CWC27: variants seen among roughly 807,000 people sequenced by gnomAD.
CWC27 encodes CWC27 spliceosome associated cyclophilin, also known as spliceosome-associated protein CWC27 homolog.
A neutral mutation model predicts 63.6 loss-of-function variants in CWC27; 47 were observed. The ratio of observed to expected loss-of-function variants is 0.74; its 90% CI spans 0.58 to 0.94. CWC27 has a LOEUF of 0.94. Ranked by LOEUF, CWC27 falls within the 40% of genes least tolerant of loss-of-function variation. CWC27 has a pLI of 0.00. For synonymous variants in CWC27, 175 were observed against 179.8 expected (o/e 0.97, Z 0.22); for missense variants, 495 against 554.3 (o/e 0.89, Z 1.07).
At chr5:64,823,448 G>A (rs12521901) in intron 10 of CWC27, among the ~76,000 whole-genome samples, 48,441 of 152,020 alleles carry the variant, frequency 0.32, 8,619 homozygotes, top group Middle Eastern at 0.51. Flanking sequence ...AAGTAGAATT[G>A]ATGAAGCCAG....
chr5:64,878,420 AT>A (rs1434719634), intron 10 of CWC27, among the ~76,000 whole-genome samples: 2 of 148,328 alleles, frequency 1.3e-5, no homozygotes, highest in Admixed American at 1.3e-4. Context: ...GAATATAAAA[AT>A]AAATGCCTTC....
intron 13 of CWC27, among the ~76,000 whole-genome samples, chr5:64,978,245 T>G (rs1199949066): frequency 1.3e-5 from 2 of 152,202 alleles, no homozygotes; most frequent in African/African-American, 2.4e-5. Flanking sequence ...TCTGCAACTG[T>G]ATATAACTTT....
intron 10 of CWC27, among the ~76,000 whole-genome samples, chr5:64,835,431 A>AG (rs1440761704): frequency 6.6e-6 from 1 of 151,838 alleles, no homozygotes; most frequent in Non-Finnish European, 1.5e-5. Flanking sequence ...CAAACCCTGT[A>AG]GATTGCTGAA....
intron 11 of CWC27, among the ~76,000 whole-genome samples, chr5:64,930,786 A>G (rs754500069): frequency 2.6e-5 from 4 of 152,162 alleles, no homozygotes; most frequent in Non-Finnish European, 5.9e-5. Flanking sequence ...CACAATGAGA[A>G]GCGTATGGAC....
rs1214406432 is a variant in CWC27 at position 64,891,767 on chromosome 5, A to G, written c.1042+6221A>G. On this transcript the variant is annotated intron_variant, in intron 11 of 13. Transcript: ENST00000381070. ...TGCAGACCTCCTAGTGTTGCTTGGGATACTTTGTTGTTGTTGTTGTTGTTG... is the reference window on the plus strand; with the variant it reads ...TGCAGACCTCCTAGTGTTGCTTGGGGTACTTTGTTGTTGTTGTTGTTGTTG... 1.4e-4 allele frequency among the ~76,000 whole-genome samples: 16 copies of G among 117,084 alleles called. No homozygotes were observed. The East Asian group carries it at 2.8e-3, about 20-fold the overall frequency. The allele number at this position is 117,084 out of a possible 152,430, so 76.8% of individuals were successfully genotyped here. A position where few individuals can be genotyped will look rare whatever the true frequency, so the allele number is the denominator to read the frequency against.
intron 1 of CWC27, among the ~76,000 whole-genome samples, chr5:64,773,538 C>CTTT (rs76764946): frequency 2.0e-5 from 3 of 151,766 alleles, no homozygotes; most frequent in East Asian, 3.9e-4. Context: ...ATGATACTGA[C>CTTT]CTATGAGAAA....
intron 10 of CWC27, among the ~76,000 whole-genome samples, chr5:64,809,045 A>G (rs1039496198): frequency 1.3e-5 from 2 of 152,196 alleles, no homozygotes; most frequent in African/African-American, 4.8e-5. Flanking sequence ...CACCCAGATC[A>G]AGAAACAAAA....
At chr5:64,924,580 C>G (rs1748069252) in intron 11 of CWC27, among the ~76,000 whole-genome samples, 1 of 152,040 alleles carries the variant, frequency 6.6e-6, no homozygotes, top group Admixed American at 6.5e-5. Flanking sequence ...TGTGTAGCTC[C>G]TGGTGTCAAA....
At chr5:64,794,603 G>A (rs1038294478) in intron 7 of CWC27, among the ~76,000 whole-genome samples, 1 of 152,000 alleles carries the variant, frequency 6.6e-6, no homozygotes, top group Non-Finnish European at 1.5e-5. Flanking sequence ...TGGGGAAGAC[G>A]GGAATGATGC....
At chr5:64,831,232 A>G (rs533535059) in intron 10 of CWC27, among the ~76,000 whole-genome samples, 1 of 152,004 alleles carries the variant, frequency 6.6e-6, no homozygotes, top group African/African-American at 2.4e-5. Context: ...AATTTCTTGA[A>G]TTATAGAATT....
chr5:64,827,075 AG>A (rs753629243), intron 10 of CWC27, among the ~76,000 whole-genome samples: 52 of 152,184 alleles, frequency 3.4e-4, no homozygotes, highest in Admixed American at 9.2e-4. Flanking sequence ...GAAAGAAAAT[AG>A]AAAGTTAACA....
At chr5:64,838,738 T>A (rs1383078289) in intron 10 of CWC27, among the ~76,000 whole-genome samples, 2 of 152,138 alleles carry the variant, frequency 1.3e-5, no homozygotes, top group Admixed American at 6.6e-5. Flanking sequence ...ATTTATAACT[T>A]TGAATTTTAG....
At chr5:64,840,386 AAAAAAAAAATATATATATATAT>A (rs1172974187) in intron 10 of CWC27, among the ~76,000 whole-genome samples, 6 of 56,858 alleles carry the variant, frequency 1.1e-4, no homozygotes, top group South Asian at 1.2e-3. Flanking sequence ...AAAAAAAAAA[AAAAAAAAAATATATATATATAT>A]ATATATATAT....
At chr5:64,822,900 G>A (rs917141962) in intron 10 of CWC27, among the ~76,000 whole-genome samples, 11 of 152,158 alleles carry the variant, frequency 7.2e-5, no homozygotes, top group Admixed American at 5.2e-4. Flanking sequence ...AGTAAATGAG[G>A]TAATGGTTTA....
intron 11 of CWC27, among the ~76,000 whole-genome samples, chr5:64,894,443 G>A (rs114144187): frequency 0.013 from 1,922 of 152,162 alleles, 40 homozygotes; most frequent in African/African-American, 0.037. Context: ...GTTTTGGCTA[G>A]ACTAATTGTT....
At position 64,956,291 on chromosome 5, in the gene CWC27, A is replaced by G. The variant is rs552116102; in HGVS notation, c.1043-15412A>G. On this transcript the variant is annotated intron_variant, in intron 11 of 13. Transcript: ENST00000381070. ...AATGTGGCTGCTCATTGCTTACCAA[A>G]ATAAAGTTCAAATTTCTTTATTTGG... Among the ~76,000 whole-genome samples the G allele has an allele frequency of 5.9e-5, 9 of 152,290 alleles. No individual in the cohort carries two copies. The East Asian group carries it at 1.7e-3, about 29-fold the overall frequency.
At chr5:64,989,454 A>G (rs963836606) in intron 13 of CWC27, among the ~76,000 whole-genome samples, 1 of 152,266 alleles carries the variant, frequency 6.6e-6, no homozygotes, top group Non-Finnish European at 1.5e-5. Context: ...ATTTCTTAAT[A>G]GTTGGCAATG....
At chr5:64,875,464 A>G (rs1020982595) in intron 10 of CWC27, among the ~76,000 whole-genome samples, 1 of 152,168 alleles carries the variant, frequency 6.6e-6, no homozygotes, top group South Asian at 2.1e-4. Flanking sequence ...TTAGACTAAA[A>G]TAAGGTAGGT....
At chr5:64,938,696 G>T (rs922153950) in intron 11 of CWC27, among the ~76,000 whole-genome samples, 7 of 152,190 alleles carry the variant, frequency 4.6e-5, no homozygotes, top group Admixed American at 2.0e-4. Flanking sequence ...ATCCTGAAGA[G>T]TGTTTTCCAG....
Sources: allele counts gnomAD v4.1 joint callset (sites outside exome capture counted in the v4.1 genomes callset), GRCh38; gene constraint gnomAD v4.1.1; transcripts MANE v1.5; gene names NCBI Gene and HGNC (gene_info 2026-07-23, HGNC 2026-07-21).